MTUS2: variants seen among roughly 807,000 people sequenced by gnomAD.
MTUS2 encodes the protein microtubule associated scaffold protein 2.
A neutral mutation model predicts 114.1 loss-of-function variants in MTUS2; 40 were observed. The ratio of observed to expected loss-of-function variants is 0.35; its 90% confidence interval spans 0.27 to 0.46. The LOEUF (loss-of-function observed/expected upper bound fraction) is 0.46. Ranked by LOEUF, MTUS2 falls within the 20% of genes least tolerant of loss-of-function variation. The pLI is 1.00. For synonymous variants in MTUS2, 688 were observed against 672.0 expected (o/e 1.02, Z -0.37); for missense variants, 1,679 against 1,705.4 (o/e 0.98, Z 0.27).
chr13:28,845,407 A>G lies in MTUS2; in HGVS notation c.-243+5557A>G, dbSNP rs187273465. 6.6e-5 allele frequency among the ~76,000 whole-genome samples: 10 copies of G among 152,342 alleles called. No individual in the cohort carries two copies. In the East Asian group the frequency reaches 1.3e-3, roughly 21 times the overall value. ...TTGGACACTAAGGAAATGTTTCTGG[A>G]ATGAATGAAGCCATTTGAAGCTTGT... On this transcript the variant is annotated intron_variant, in intron 2 of 15. Transcript: ENST00000612955.
intron 2 of MTUS2, among the ~76,000 whole-genome samples, chr13:29,011,537 A>G (rs193039660): frequency 1.1e-3 from 164 of 152,334 alleles, no homozygotes; most frequent in African/African-American, 3.8e-3. Flanking sequence ...CATTTATCTC[A>G]GTTGAACAGA....
At chr13:29,292,302 C>T (rs1287243888) in intron 6 of MTUS2, among the ~76,000 whole-genome samples, 2 of 152,208 alleles carry the variant, frequency 1.3e-5, no homozygotes, top group Non-Finnish European at 2.9e-5. Context: ...GTTGTCCACT[C>T]AACGTGTACC....
rs146806726 is a variant in MTUS2 at position 29,228,610 on chromosome 13, A to T, written c.2645-53094A>T. 2.6e-3 allele frequency among the ~76,000 whole-genome samples: 396 copies of T among 152,280 alleles called. 2 individuals are homozygous for T. The highest frequency in any genetic ancestry group is 9.3e-3 in the African/African-American group (386 of 41,550). ...GTTGGGATTGCAGGCATGAGACACT[A>T]GGCCTGGCCCTGTGTGTGTACATAT... On this transcript the variant is annotated intron_variant, in intron 5 of 15. Transcript: ENST00000612955.
chr13:29,275,756 T>C (rs1354637936), intron 5 of MTUS2, among the ~76,000 whole-genome samples: 7 of 152,222 alleles, frequency 4.6e-5, no homozygotes, highest in Non-Finnish European at 1.0e-4. Context: ...CACATTTTCT[T>C]TATCCATTCA....
chr13:29,108,253 A>G (rs1230474721), intron 5 of MTUS2, among the ~76,000 whole-genome samples: 1 of 152,252 alleles, frequency 6.6e-6, no homozygotes, highest in Non-Finnish European at 1.5e-5. Context: ...CAGACTTCAG[A>G]GAAGCTATTG....
intron 4 of MTUS2, among the ~76,000 whole-genome samples, chr13:29,044,504 T>G (rs1156941051): frequency 6.6e-6 from 1 of 152,144 alleles, no homozygotes; most frequent in Non-Finnish European, 1.5e-5. Flanking sequence ...TTTTGCCCAT[T>G]GTTTCTTGAA....
At chr13:28,883,629 G>T (rs1324945430) in intron 2 of MTUS2, among the ~76,000 whole-genome samples, 1 of 152,202 alleles carries the variant, frequency 6.6e-6, no homozygotes, top group African/African-American at 2.4e-5. Context: ...GATAGTGGTT[G>T]CCAGGGGTAT....
chr13:28,941,925 CT>C (rs1195354328), intron 2 of MTUS2, among the ~76,000 whole-genome samples: 1 of 152,152 alleles, frequency 6.6e-6, no homozygotes, highest in East Asian at 1.9e-4. Context: ...TTATGCAGAT[CT>C]TTCGTCTTTC....
Position 29,032,015 on chromosome 13 carries a change from A to G in MTUS2, c.2206-1870A>G, listed in dbSNP as rs150363703. Among the ~76,000 whole-genome samples, 167 of 152,126 alleles carry G rather than the reference A, an allele frequency of 1.1e-3. 1 individual carries two copies. The highest frequency in any genetic ancestry group is 3.6e-3 in the African/African-American group (150 of 41,504). On this transcript the variant is annotated intron_variant, in intron 3 of 15. Coordinates refer to ENST00000612955, the MANE Select transcript of MTUS2 (RefSeq NM_001033602.4). ...AAAGTGAGTTCTCTAAAAACCCTCC[A>G]TTGGGATGGAGGGAGGGGAACAGCA...
intron 2 of MTUS2, among the ~76,000 whole-genome samples, chr13:28,879,997 T>C (rs1224754109): frequency 1.3e-5 from 2 of 152,170 alleles, no homozygotes; most frequent in Admixed American, 6.5e-5. Flanking sequence ...AGAAAGGACC[T>C]GATATATTGA....
At chr13:29,325,319 G>A (rs567057613) in intron 7 of MTUS2, among the ~76,000 whole-genome samples, 6 of 152,018 alleles carry the variant, frequency 3.9e-5, no homozygotes, top group African/African-American at 1.4e-4. Context: ...AGCTGGGTGT[G>A]ATGGCTTTCG....
intron 8 of MTUS2, among the ~76,000 whole-genome samples, chr13:29,412,841 A>G (rs967811909): frequency 6.6e-6 from 1 of 152,132 alleles, no homozygotes; most frequent in Non-Finnish European, 1.5e-5. Flanking sequence ...ATGCTGAGCT[A>G]TGATCATGTC....
intron 2 of MTUS2, among the ~76,000 whole-genome samples, chr13:28,905,389 G>A (rs1392370333): frequency 2.0e-5 from 3 of 151,472 alleles, no homozygotes; most frequent in Non-Finnish European, 4.4e-5. Context: ...TTGGCTGTGG[G>A]TTTGTCATAG....
chr13:29,482,255 G>A (rs1428906691), intron 10 of MTUS2: 1 of 152,228 alleles, frequency 6.6e-6, no homozygotes, highest in African/African-American at 2.4e-5. Context: ...CGGCTGAGGG[G>A]AGCATCTCCA....
intron 15 of MTUS2, among the ~76,000 whole-genome samples, 175 bp from the exon 16 acceptor site, chr13:29,502,818 A>G (rs1403061620): frequency 2.0e-5 from 3 of 152,154 alleles, no homozygotes; most frequent in African/African-American, 7.2e-5. Context: ...CAGATGTGTC[A>G]TTGGGCCAAA....
chr13:29,249,641 A>C (rs1041379139), intron 5 of MTUS2, among the ~76,000 whole-genome samples: 1 of 152,124 alleles, frequency 6.6e-6, no homozygotes, highest in Non-Finnish European at 1.5e-5. Context: ...TCCTTTGCCC[A>C]CTTTTTGATG....
intron 4 of MTUS2, among the ~76,000 whole-genome samples, chr13:29,099,321 C>G (rs2036825226): frequency 6.6e-6 from 1 of 152,122 alleles, no homozygotes; most frequent in African/African-American, 2.4e-5. Flanking sequence ...GCTTCTTTTT[C>G]CTTTTGCACT....
At chr13:29,151,538 G>A (rs1283512369) in intron 5 of MTUS2, among the ~76,000 whole-genome samples, 1 of 152,098 alleles carries the variant, frequency 6.6e-6, no homozygotes, top group Non-Finnish European at 1.5e-5. Context: ...TCTTTCTCTT[G>A]CCTTATTACT....
chr13:29,177,582 A>C (rs528769425), intron 5 of MTUS2, among the ~76,000 whole-genome samples: 1 of 152,166 alleles, frequency 6.6e-6, no homozygotes, highest in Admixed American at 6.5e-5. Flanking sequence ...TTCTCAGTAG[A>C]TTCAAACTGG....
Sources: gnomAD v4.1 joint callset for allele counts (sites outside exome capture counted in the v4.1 genomes callset) on GRCh38, gnomAD v4.1.1 for gene constraint, MANE v1.5 for transcripts, NCBI Gene and HGNC (gene_info 2026-07-23, HGNC 2026-07-21) for gene names.